The following PCNX2 variants were observed in gnomAD, a reference collection of about 807,000 sequenced individuals.
PCNX2 encodes pecanex 2, also known as pecanex-like protein 2.
PCNX2 carries 168 observed loss-of-function variants against 223.8 expected under a neutral mutation model. The ratio of observed to expected loss-of-function variants is 0.75; its 90% CI spans 0.66 to 0.85. The LOEUF (loss-of-function observed/expected upper bound fraction) is 0.85, where lower values mean the gene tolerates loss of function less well. Among genes scored for constraint, PCNX2 ranks in the 40% least tolerant of loss-of-function variants. The pLI is 0.00. For missense variants in PCNX2, 2,507 were observed against 2,675.5 expected (o/e 0.94, Z 1.39); for synonymous variants, 1,006 against 1,052.6 (o/e 0.96, Z 0.86).
At chr1:233,234,348 A>G (rs1287084175) in intron 9 of PCNX2, among the ~76,000 whole-genome samples, 1 of 152,206 alleles carries the variant, frequency 6.6e-6, no homozygotes, top group Non-Finnish European at 1.5e-5. Flanking sequence ...TCTAAACATG[A>G]GCCTGGTTAG....
At chr1:233,294,726 T>TTG (rs1661969260) in intron 1 of PCNX2, among the ~76,000 whole-genome samples, 1 of 152,198 alleles carries the variant, frequency 6.6e-6, no homozygotes, top group African/African-American at 2.4e-5. Context: ...CACTAAAATG[T>TTG]CAAGCCCCAT....
At chr1:233,276,381 G>A (rs1660916792) in intron 1 of PCNX2, among the ~76,000 whole-genome samples, 1 of 152,164 alleles carries the variant, frequency 6.6e-6, no homozygotes. Flanking sequence ...AGATAAAAAT[G>A]TTCTAGAGAT....
intron 15 of PCNX2, among the ~76,000 whole-genome samples, chr1:233,182,581 T>C (rs1300963459): frequency 6.6e-6 from 1 of 151,404 alleles, no homozygotes; most frequent in African/African-American, 2.4e-5. Flanking sequence ...TGAAATCTAC[T>C]CCACAGGCGA....
In PCNX2 at chr1:233,144,947, TG is replaced by T. The variant is rs1426236065; in HGVS notation, c.3518-5093del. On this transcript the variant is annotated intron_variant, in intron 19 of 33. Coordinates refer to ENST00000258229, the MANE Select transcript of PCNX2 (RefSeq NM_014801.4). The stretch of plus-strand genomic sequence containing the variant: ...CTTCGGTGCTATTTGTTGTTGTTGT[TG>T]TTTTGTTTTTTTTTTTTGTTTCTTT... Among the ~76,000 whole-genome samples, 12 of 81,586 alleles carry T rather than the reference TG, an allele frequency of 1.5e-4. No homozygotes were observed. In the Admixed American group the frequency reaches 1.5e-3, roughly 10 times the overall value. The allele number at this position is 81,586 out of a possible 152,430, so 53.5% of individuals were successfully genotyped here.
intron 1 of PCNX2, among the ~76,000 whole-genome samples, chr1:233,269,375 A>G (rs1389736826): frequency 6.6e-6 from 1 of 152,248 alleles, no homozygotes; most frequent in Non-Finnish European, 1.5e-5. Flanking sequence ...AAGTAGGCAC[A>G]ATAATGTAAC....
intron 9 of PCNX2, among the ~76,000 whole-genome samples, chr1:233,233,544 T>C (rs1658200427): frequency 6.7e-6 from 1 of 150,162 alleles, no homozygotes; most frequent in South Asian, 2.2e-4. Flanking sequence ...CTTCATTCCC[T>C]ACACACACAC....
chr1:233,187,923 T>C lies in PCNX2; in HGVS notation c.3067-8748A>G, dbSNP rs150835808. On this transcript the variant is annotated intron_variant, in intron 15 of 33. Transcript: ENST00000258229. ...AAGTCTGATATAAGTAAAAGTGAGT[T>C]AAAACTTAGGTTTTACTTTCAAATT... Among the ~76,000 whole-genome samples, 7 of 152,362 alleles carry C rather than the reference T, an allele frequency of 4.6e-5. No individual in the cohort carries two copies. The East Asian group carries it at 1.3e-3, about 29-fold the overall frequency.
intron 1 of PCNX2, chr1:233,288,803 CCTTTTTT>C: frequency 2.3e-5 from 15 of 655,758 alleles, no homozygotes; most frequent in Non-Finnish European, 3.2e-5. Context: ...GGAAAGATGC[CCTTTTTT>C]TTTTTTTTTT....
chr1:233,289,990 T>C (rs1661666615), intron 1 of PCNX2, among the ~76,000 whole-genome samples: 1 of 151,600 alleles, frequency 6.6e-6, no homozygotes, highest in African/African-American at 2.4e-5. Flanking sequence ...TCTTATATGT[T>C]AAAAGTAGGA....
chr1:233,103,159 G>A (rs1381078833), intron 21 of PCNX2, among the ~76,000 whole-genome samples: 1 of 152,014 alleles, frequency 6.6e-6, no homozygotes, highest in Non-Finnish European at 1.5e-5. Context: ...TGAGTGCATG[G>A]TAGGTGTATA....
At chr1:233,325,188 A>G in the PCNX2 span, among the ~76,000 whole-genome samples, 2 of 152,190 alleles carry the variant, frequency 1.3e-5, no homozygotes, top group Non-Finnish European at 2.9e-5. Flanking sequence ...AATAGGATTC[A>G]CCATTCTAGA....
At chr1:233,028,908 A>T (rs1260342577) in intron 25 of PCNX2, among the ~76,000 whole-genome samples, 1 of 142,214 alleles carries the variant, frequency 7.0e-6, no homozygotes, top group South Asian at 2.2e-4. Context: ...GTGTGATCTC[A>T]GCTCACTGCA....
chr1:233,042,694 G>A (rs918114506), intron 25 of PCNX2, among the ~76,000 whole-genome samples: 3 of 152,136 alleles, frequency 2.0e-5, no homozygotes, highest in African/African-American at 7.2e-5. Context: ...ATCACACTAA[G>A]GCTCTAAGGA....
At chr1:233,209,119 A>G (rs1321459483) in intron 12 of PCNX2, among the ~76,000 whole-genome samples, 1 of 152,210 alleles carries the variant, frequency 6.6e-6, no homozygotes, top group Non-Finnish European at 1.5e-5. Flanking sequence ...TAGAATTATA[A>G]TTTGTGGGCT....
At chr1:233,122,114 A>G (rs985615592) in intron 21 of PCNX2, among the ~76,000 whole-genome samples, 6 of 113,288 alleles carry the variant, frequency 5.3e-5, no homozygotes, top group African/African-American at 1.8e-4. Context: ...ACACAGAGGG[A>G]GAGAGAGAGA....
intron 13 of PCNX2, among the ~76,000 whole-genome samples, chr1:233,204,202 C>G (rs957036696): frequency 1.3e-5 from 2 of 152,102 alleles, no homozygotes; most frequent in African/African-American, 4.8e-5. Context: ...GACACAGAGG[C>G]ACACATGCAC....
intron 12 of PCNX2, among the ~76,000 whole-genome samples, chr1:233,209,928 A>C (rs1051147722): frequency 1.3e-5 from 2 of 152,236 alleles, no homozygotes; most frequent in African/African-American, 4.8e-5. Flanking sequence ...ATACAAATAC[A>C]CATGTATATG....
intron 25 of PCNX2, among the ~76,000 whole-genome samples, chr1:233,050,868 A>G (rs1671978838): frequency 6.6e-6 from 1 of 152,208 alleles, no homozygotes; most frequent in African/African-American, 2.4e-5. Flanking sequence ...AAAAGAAACT[A>G]TCAATAGAAT....
At chr1:233,292,202 C>CTTTTTTTTTTTTTTTTTT (rs963996089) in intron 1 of PCNX2, among the ~76,000 whole-genome samples, 6 of 109,484 alleles carry the variant, frequency 5.5e-5, no homozygotes, top group African/African-American at 2.0e-4. Flanking sequence ...TTCTTTCTTT[C>CTTTTTTTTTTTTTTTTTT]TTTTTTTTTT....
Sources: gnomAD v4.1 joint callset for allele counts (sites outside exome capture counted in the v4.1 genomes callset) on GRCh38, gnomAD v4.1.1 for gene constraint, MANE v1.5 for transcripts, NCBI Gene and HGNC (gene_info 2026-07-23, HGNC 2026-07-21) for gene names.